The following ACSS3 variants were observed in gnomAD, a reference collection of about 807,000 sequenced individuals.
ACSS3 encodes the protein acyl-CoA synthetase short-chain family member 3, mitochondrial.
A neutral mutation model predicts 84.2 loss-of-function variants in ACSS3; 64 were observed. The ratio of observed to expected loss-of-function variants is 0.76; its 90% CI spans 0.62 to 0.94. The LOEUF (loss-of-function observed/expected upper bound fraction) is 0.94. ACSS3 is among the 40% of genes least tolerant of loss of function. The pLI, the probability that ACSS3 is intolerant of heterozygous loss-of-function variation, is 0.00. For missense variants in ACSS3, 815 were observed against 867.6 expected, an observed-to-expected ratio of 0.94 and a Z score of 0.76; for synonymous variants, 317 against 310.1, an observed-to-expected ratio of 1.02 and a Z score of -0.23.
intron 2 of ACSS3, among the ~76,000 whole-genome samples, chr12:81,121,926 ATTATTAT>A (rs1219581164): frequency 6.7e-6 from 1 of 149,324 alleles, no homozygotes; most frequent in Non-Finnish European, 1.5e-5. Context: ...TATTATTATT[ATTATTAT>A]TATTATTATT....
intron 1 of ACSS3, among the ~76,000 whole-genome samples, chr12:81,099,905 C>T (rs1480071326): frequency 1.3e-5 from 2 of 152,142 alleles, no homozygotes; most frequent in Non-Finnish European, 2.9e-5. Context: ...GAGATCAAGA[C>T]CATGGAGGAC....
intron 1 of ACSS3, among the ~76,000 whole-genome samples, chr12:81,091,787 A>G (rs1047016715): frequency 6.6e-6 from 1 of 152,136 alleles, no homozygotes; most frequent in African/African-American, 2.4e-5. Flanking sequence ...ATACCTGTGT[A>G]TGTGTATGTT....
chr12:81,250,838 C>T (rs978433523), intron 13 of ACSS3, among the ~76,000 whole-genome samples: 5 of 152,162 alleles, frequency 3.3e-5, no homozygotes, highest in African/African-American at 1.2e-4. Context: ...TAGCATCTAA[C>T]TTTCCAAGTC....
intron 9 of ACSS3, among the ~76,000 whole-genome samples, chr12:81,200,705 G>C (rs1046313873): frequency 1.3e-5 from 2 of 151,964 alleles, no homozygotes; most frequent in Non-Finnish European, 2.9e-5. Flanking sequence ...TTACAGACCA[G>C]CCTGGCCAAC....
At chr12:81,170,480 G>C (rs550240714) in intron 7 of ACSS3, among the ~76,000 whole-genome samples, 1 of 152,162 alleles carries the variant, frequency 6.6e-6, no homozygotes, top group South Asian at 2.1e-4. Context: ...ACAGCTGAAA[G>C]CTTAGAATTT....
At chr12:81,165,715 T>C (rs1887371374) in intron 7 of ACSS3, among the ~76,000 whole-genome samples, 1 of 152,182 alleles carries the variant, frequency 6.6e-6, no homozygotes, top group African/African-American at 2.4e-5. Flanking sequence ...TAACAAACTC[T>C]TACACTGTGT....
chr12:81,203,501 A>T (rs1311922826), intron 9 of ACSS3, among the ~76,000 whole-genome samples: 1 of 152,182 alleles, frequency 6.6e-6, no homozygotes, highest in Non-Finnish European at 1.5e-5. Context: ...TTTAGTGACT[A>T]ACATCCTCTT....
At chr12:81,085,006 G>A (rs1166773969) in intron 1 of ACSS3, among the ~76,000 whole-genome samples, 2 of 150,356 alleles carry the variant, frequency 1.3e-5, no homozygotes, top group Non-Finnish European at 2.9e-5. Flanking sequence ...GTGGTATCTG[G>A]GTCAAGTAAA....
chr12:81,152,386 T>C (rs1483761390), intron 7 of ACSS3, among the ~76,000 whole-genome samples: 1 of 152,206 alleles, frequency 6.6e-6, no homozygotes, highest in Non-Finnish European at 1.5e-5. Context: ...ATACTGATTT[T>C]AGAGTCCTAG....
chr12:81,222,493 A>G (rs1217410106), intron 11 of ACSS3, among the ~76,000 whole-genome samples: 2 of 152,048 alleles, frequency 1.3e-5, no homozygotes, highest in African/African-American at 4.8e-5. Flanking sequence ...TAACTTATCA[A>G]CTTAAAAAGG....
intron 13 of ACSS3, among the ~76,000 whole-genome samples, chr12:81,246,485 A>G (rs2033988217): frequency 6.6e-6 from 1 of 152,190 alleles, no homozygotes. Flanking sequence ...TACAGAAAGT[A>G]AAGCAAACAA....
chr12:81,230,876 T>G (rs2033435825), intron 11 of ACSS3, among the ~76,000 whole-genome samples, 181 bp from the exon 12 acceptor site: 1 of 151,858 alleles, frequency 6.6e-6, no homozygotes, highest in Admixed American at 6.6e-5. Flanking sequence ...ACAATTCTGC[T>G]GTACAATGGT....
Position 81,255,748 on chromosome 12 carries a change from G to A in ACSS3, c.*826G>A, listed in dbSNP as rs1179156412. 2 of 152,152 alleles carry A rather than the reference G, an allele frequency of 1.3e-5. No individual in the cohort carries two copies. Among genetic ancestry groups the A allele is most frequent in the East Asian group, 3.9e-4 (2 of 5,176 alleles). The allele number at this position is 152,152 out of a possible 1,614,324, so 9.4% of individuals were successfully genotyped here. On this transcript the variant is annotated 3_prime_UTR_variant, in exon 16 of 16. Coordinates refer to ENST00000548058, the MANE Select transcript of ACSS3 (RefSeq NM_024560.4). ...AGAGGCAGAGGTTGCAGTGAGCCAA[G>A]TTCCCCCACTGTACTCCAGCCTGGG...
chr12:81,131,209 A>C (rs921571085), intron 2 of ACSS3, among the ~76,000 whole-genome samples: 2 of 152,170 alleles, frequency 1.3e-5, no homozygotes, highest in South Asian at 2.1e-4. Flanking sequence ...TCTATAAATT[A>C]CCTTGGGCAG....
chr12:81,137,922 A>G, intron 3 of ACSS3, among the ~76,000 whole-genome samples: 1 of 152,148 alleles, frequency 6.6e-6, no homozygotes, highest in East Asian at 1.9e-4. Flanking sequence ...TATGGTGGAA[A>G]GAGGTTCTGC....
rs2136035255 is a variant in ACSS3 at position 81,258,291 on chromosome 12, A to G, written c.*3369A>G. 1 of 152,220 alleles carries G rather than the reference A, an allele frequency of 6.6e-6. No homozygotes were observed. Among genetic ancestry groups the G allele is most frequent in the South Asian group, 2.1e-4 (1 of 4,824 alleles). 9.4% of individuals were successfully genotyped at this position (152,220 alleles called of 1,614,324 possible). A position where few individuals can be genotyped will look rare whatever the true frequency, so the allele number is the denominator to read the frequency against. On this transcript the variant is annotated 3_prime_UTR_variant, in exon 16 of 16. Coordinates refer to ENST00000548058, the MANE Select transcript of ACSS3 (RefSeq NM_024560.4). ...TGGAATTATTATTTTTTTTATTGACAATGGAAAGGGTTTCTGTTATCATTA... is the reference window on the plus strand; with the variant it reads ...TGGAATTATTATTTTTTTTATTGACGATGGAAAGGGTTTCTGTTATCATTA...
At chr12:81,216,831 T>C (rs2032933969) in intron 9 of ACSS3, 70 bp from the exon 10 acceptor site, 1 of 1,290,826 alleles carries the variant, frequency 7.7e-7, no homozygotes, top group African/African-American at 1.5e-5. Flanking sequence ...GGGTAGAGTG[T>C]GCATGTACTC....
rs2034258433 is a variant in ACSS3, at chr12:81,254,995, A to C, written c.*73A>C. On this transcript the variant is annotated 3_prime_UTR_variant, in exon 16 of 16. Transcript: ENST00000548058. ...AATTAAATTATTTGAGTTGTTTCTC[A>C]GAAATAAATATTTCAGTAGAAATTA... 7.7e-6 allele frequency: 10 copies of C among 1,302,174 alleles called. No homozygotes were observed. In the South Asian group the frequency reaches 1.3e-4, roughly 17 times the overall value. 80.7% of individuals were successfully genotyped at this position (1,302,174 alleles called of 1,614,324 possible).
At chr12:81,248,561 C>G (rs1170340743) in intron 13 of ACSS3, among the ~76,000 whole-genome samples, 2 of 151,720 alleles carry the variant, frequency 1.3e-5, no homozygotes, top group Non-Finnish European at 2.9e-5. Context: ...ATGTGTGTGT[C>G]AAGTGGTGAA....
Sources: allele counts gnomAD v4.1 joint callset (sites outside exome capture counted in the v4.1 genomes callset), GRCh38; gene constraint gnomAD v4.1.1; transcripts MANE v1.5; gene names NCBI Gene and HGNC (gene_info 2026-07-23, HGNC 2026-07-21).